The following FBRSL1 variants were observed in gnomAD, a reference collection of about 807,000 sequenced individuals.
FBRSL1 encodes the protein fibrosin-1-like protein.
In FBRSL1, 51 loss-of-function variants were observed where a neutral mutation model predicts 89.6. The observed-to-expected ratio is 0.57, with a 90% CI of 0.45 to 0.72. The LOEUF (loss-of-function observed/expected upper bound fraction) is 0.72, where lower values mean the gene tolerates loss of function less well. FBRSL1 is among the 30% of genes least tolerant of loss of function. The probability of loss-of-function intolerance (pLI) is 0.00; values close to 1 mark genes in which losing one functional copy is unlikely to be tolerated. For synonymous variants in FBRSL1, 779 were observed against 681.1 expected (o/e 1.14, Z -2.24); for missense variants, 1,618 against 1,451.8 (o/e 1.11, Z -1.86).
At chr12:132,547,904 C>A in intron 4 of FBRSL1, 99 bp from the exon 5 acceptor site, 1 of 1,336,724 alleles carries the variant, frequency 7.5e-7, no homozygotes, top group Non-Finnish European at 1.0e-6. Flanking sequence ...CAGCCAGGGC[C>A]GCCCCACCCG....
At chr12:132,521,369 C>A (rs534970410) in intron 2 of FBRSL1, among the ~76,000 whole-genome samples, 2 of 152,342 alleles carry the variant, frequency 1.3e-5, no homozygotes, top group African/African-American at 4.8e-5. Context: ...GTTCCCGTCT[C>A]CTGCTGGAAC....
At chr12:132,550,906 G>C (rs945319180) in intron 5 of FBRSL1, 1 of 169,450 alleles carries the variant, frequency 5.9e-6, no homozygotes, top group African/African-American at 2.4e-5. Flanking sequence ...GGTTCAGGGG[G>C]TCAGGAACTT....
intron 2 of FBRSL1, among the ~76,000 whole-genome samples, chr12:132,512,980 CCAG>C (rs1335637701): frequency 5.9e-5 from 9 of 152,216 alleles, no homozygotes; most frequent in Admixed American, 5.9e-4. Context: ...GGCAGAGACA[CCAG>C]GGCGCTATGG....
In FBRSL1 at chr12:132,582,078, C is replaced by T. The variant is rs1300356043; in HGVS notation, c.2013C>T (p.Ile671=). Residue 671 remains isoleucine (I), a synonymous_variant, in exon 18 of 19, where the codon ATC becomes ATT. Coordinates refer to ENST00000680143, the MANE Select transcript of FBRSL1 (RefSeq NM_001367871.1). ...TGCCCCCAGCTCCCGGTGGCAGCATCTTTGCCCCCAAGGAGGGCTCCTCCG... is the reference window on the plus strand; with the variant it reads ...TGCCCCCAGCTCCCGGTGGCAGCATTTTTGCCCCCAAGGAGGGCTCCTCCG... ...GSHALAPGGS[I]FAPKEGSSVH... is the part of the protein sequence containing the mutation. 6.5e-7 allele frequency: 1 copy of T among 1,547,874 alleles called. No homozygotes were observed. The highest frequency in any genetic ancestry group is 2.4e-5 in the East Asian group (1 of 40,860).
In FBRSL1 at chr12:132,584,380, C is replaced by CTGT. The variant is rs2040997089; in HGVS notation, c.*605_*607dup. 1 of 152,172 alleles carries CTGT rather than the reference C, an allele frequency of 6.6e-6. No homozygotes were observed. Among genetic ancestry groups the CTGT allele is most frequent in the African/African-American group, 2.4e-5 (1 of 41,418 alleles). The allele number at this position is 152,172 out of a possible 1,614,324, so 9.4% of individuals were successfully genotyped here. ...AAAGCAAACGAAACGTGTAAATAGT[C>CTGT]TGTTGATATAAATATATGACGTTAC... On this transcript the variant is annotated 3_prime_UTR_variant, in exon 19 of 19. Coordinates refer to ENST00000680143, the MANE Select transcript of FBRSL1 (RefSeq NM_001367871.1).
intron 4 of FBRSL1, among the ~76,000 whole-genome samples, chr12:132,541,513 C>A (rs1241362021): frequency 6.6e-6 from 1 of 152,240 alleles, no homozygotes; most frequent in African/African-American, 2.4e-5. Flanking sequence ...CCCCCCCAGG[C>A]AGCCCAGTTC....
At chr12:132,512,413 G>A (rs560757510) in intron 2 of FBRSL1, among the ~76,000 whole-genome samples, 38 of 152,356 alleles carry the variant, frequency 2.5e-4, no homozygotes, top group African/African-American at 8.9e-4. Flanking sequence ...TGGAGGGGCC[G>A]AGTCCTGGCT....
Position 132,583,266 on chromosome 12 carries a change from C to T in FBRSL1, c.2497C>T (p.Pro833Ser). ...CGAGCCCCCGGCGGGCGGCCTGCAC[C>T]CCGCGCCCCTGCAGCTCGGCCTGGG... ...ASEPPAGGLH[P>S]APLQLGLGRE... The change falls in exon 19 of 19, where the codon CCC becomes TCC. Residue 833 changes from proline to serine, a missense_variant. Pro to Ser is a moderately conservative substitution (Grantham distance 74, BLOSUM62 -1). Coordinates refer to ENST00000680143, the MANE Select transcript of FBRSL1 (RefSeq NM_001367871.1). 3 of 1,302,218 alleles carry T rather than the reference C, an allele frequency of 2.3e-6. No individual in the cohort carries two copies. Among genetic ancestry groups the T allele is most frequent in the Non-Finnish European group, 2.9e-6 (3 of 1,025,218 alleles). 80.7% of individuals were successfully genotyped at this position (1,302,218 alleles called of 1,614,324 possible).
intron 2 of FBRSL1, among the ~76,000 whole-genome samples, chr12:132,519,043 G>A (rs11147304): frequency 0.35 from 53,406 of 152,234 alleles, 10,092 homozygotes; most frequent in Middle Eastern, 0.44. Context: ...GTGGAGCAGC[G>A]TACTGGAGTG....
At chr12:132,570,291 C>T (rs1318245016) in intron 7 of FBRSL1, 44 bp from the exon 8 acceptor site, 3 of 1,515,024 alleles carry the variant, frequency 2.0e-6, no homozygotes, top group Non-Finnish European at 2.6e-6. Context: ...GATGGGGGCT[C>T]TGCAGGGGTC....
intron 9 of FBRSL1, chr12:132,571,740 C>T (rs2040026760): frequency 5.5e-6 from 2 of 365,068 alleles, no homozygotes; most frequent in Non-Finnish European, 9.7e-6. Context: ...TGGTCCTGGA[C>T]TTAGGCAGGC....
At chr12:132,505,207 G>C (rs973090936) in intron 1 of FBRSL1, among the ~76,000 whole-genome samples, 1 of 152,240 alleles carries the variant, frequency 6.6e-6, no homozygotes, top group African/African-American at 2.4e-5. Context: ...ACACGATGAA[G>C]TGGGTGAGCG....
intron 4 of FBRSL1, among the ~76,000 whole-genome samples, chr12:132,532,546 C>A (rs1456269886): frequency 6.6e-6 from 1 of 152,194 alleles, no homozygotes; most frequent in Non-Finnish European, 1.5e-5. Context: ...GTCACAGATG[C>A]CCACCCTGCA....
intron 5 of FBRSL1, among the ~76,000 whole-genome samples, chr12:132,555,380 G>A (rs866185431): frequency 1.5e-4 from 23 of 148,904 alleles, no homozygotes; most frequent in Non-Finnish European, 2.4e-4. Context: ...CCACCCGAGC[G>A]TGAGCGTGGC....
Position 132,572,613 on chromosome 12 carries a change from T to G in FBRSL1, c.1521T>G (p.Phe507Leu). 6.5e-7 allele frequency: 1 copy of G among 1,550,170 alleles called. No homozygotes were observed. Among genetic ancestry groups the G allele is most frequent in the Non-Finnish European group, 8.7e-7 (1 of 1,146,514 alleles). Residue 507 changes from phenylalanine (F) to leucine (L), a missense_variant, in exon 11 of 19, where the codon TTT becomes TTG. Transcript: ENST00000680143. ...PGPFGSLQGA[F>L]QPKTSSPIEV... ...CCTTCGGGTCCCTGCAGGGCGCTTT[T>G]CAGCCTAAGGTACCGCTGCCCCTGG...
intron 4 of FBRSL1, among the ~76,000 whole-genome samples, chr12:132,531,499 C>T (rs1207353662): frequency 6.6e-6 from 1 of 152,000 alleles, no homozygotes; most frequent in African/African-American, 2.4e-5. Context: ...TGGGGCTGTG[C>T]GTTGCCTTGT....
At chr12:132,569,880 G>A in intron 6 of FBRSL1, 46 bp from the exon 7 acceptor site, 1 of 1,319,758 alleles carries the variant, frequency 7.6e-7, no homozygotes, top group Non-Finnish European at 9.7e-7. Context: ...AGGAGGGGCA[G>A]GGACGAGGCC....
chr12:132,530,928 G>A (rs562002497), intron 4 of FBRSL1, among the ~76,000 whole-genome samples: 3 of 150,870 alleles, frequency 2.0e-5, no homozygotes, highest in African/African-American at 7.3e-5. Context: ...GTGCACCCGG[G>A]GCCTTGGTCC....
intron 4 of FBRSL1, among the ~76,000 whole-genome samples, chr12:132,539,691 T>C (rs78632948): frequency 0.046 from 1,571 of 34,204 alleles, no homozygotes; most frequent in Middle Eastern, 0.053. Flanking sequence ...CAGTCCTGCC[T>C]TCCAGCCCCA....
Sources: gnomAD v4.1 joint callset for allele counts (sites outside exome capture counted in the v4.1 genomes callset) on GRCh38, gnomAD v4.1.1 for gene constraint, MANE v1.5 for transcripts, NCBI Gene and HGNC (gene_info 2026-07-23, HGNC 2026-07-21) for gene names.